Variants in SLIT3 observed in about 807,000 individuals in gnomAD.
The protein encoded by SLIT3 is slit guidance ligand 3.
In SLIT3, 68 loss-of-function variants were observed where a neutral mutation model predicts 184.0. That is an observed-to-expected ratio of 0.37 (90% CI 0.30 to 0.45). SLIT3 has a LOEUF of 0.45. Ranked by LOEUF, SLIT3 falls within the 20% of genes least tolerant of loss-of-function variation. The pLI, the probability that SLIT3 is intolerant of heterozygous loss-of-function variation, is 1.00. For synonymous variants in SLIT3, 831 were observed against 828.6 expected, an observed-to-expected ratio of 1.00 and a Z score of -0.05; for missense variants, 1,707 against 2,026.0, an observed-to-expected ratio of 0.84 and a Z score of 3.02.
intron 5 of SLIT3, among the ~76,000 whole-genome samples, chr5:168,868,125 C>T (rs1418411252): frequency 2.0e-5 from 3 of 152,208 alleles, no homozygotes; most frequent in African/African-American, 7.2e-5. Flanking sequence ...ACTCCTTCTC[C>T]TCTAACCCCG....
chr5:168,920,526 G>C (rs1209860296), intron 4 of SLIT3, among the ~76,000 whole-genome samples: 1 of 152,124 alleles, frequency 6.6e-6, no homozygotes, highest in Non-Finnish European at 1.5e-5. Flanking sequence ...CGGCACGGAA[G>C]GAATACAGAT....
intron 1 of SLIT3, among the ~76,000 whole-genome samples, chr5:169,283,990 G>T (rs541397479): frequency 6.6e-6 from 1 of 152,286 alleles, no homozygotes; most frequent in East Asian, 1.9e-4. Context: ...AACTACCCGG[G>T]AAAGTGAACC....
chr5:168,967,683 G>T (rs930106255), intron 4 of SLIT3, among the ~76,000 whole-genome samples: 1 of 139,444 alleles, frequency 7.2e-6, no homozygotes, highest in Non-Finnish European at 1.7e-5. Context: ...CTCGTGATCC[G>T]CCCGCCTCGG....
intron 4 of SLIT3, among the ~76,000 whole-genome samples, chr5:169,033,261 G>A (rs1270522105): frequency 1.3e-5 from 2 of 151,952 alleles, no homozygotes; most frequent in Non-Finnish European, 2.9e-5. Context: ...CTCCAGGCTC[G>A]TCTATGTTGT....
At chr5:169,177,763 T>C (rs1198402412) in intron 4 of SLIT3, among the ~76,000 whole-genome samples, 1 of 152,228 alleles carries the variant, frequency 6.6e-6, no homozygotes, top group South Asian at 2.1e-4. Flanking sequence ...GGACTCCTAA[T>C]GGATTGTCTT....
intron 4 of SLIT3, among the ~76,000 whole-genome samples, chr5:168,951,664 T>A (rs920490070): frequency 6.6e-6 from 1 of 152,048 alleles, no homozygotes; most frequent in African/African-American, 2.4e-5. Context: ...TAGGAAGGAG[T>A]TGCAGCATTT....
At chr5:168,788,681 G>A (rs957001924) in intron 11 of SLIT3, among the ~76,000 whole-genome samples, 5 of 151,946 alleles carry the variant, frequency 3.3e-5, no homozygotes, top group African/African-American at 9.7e-5. Flanking sequence ...AATAATCCCT[G>A]TCTCGGTGGA....
At chr5:168,787,210 A>G (rs1756185931) in intron 11 of SLIT3, among the ~76,000 whole-genome samples, 1 of 152,226 alleles carries the variant, frequency 6.6e-6, no homozygotes, top group South Asian at 2.1e-4. Context: ...CCCACCGCTC[A>G]CTGTGCCAAA....
At chr5:169,139,878 GA>G (rs1223209283) in intron 4 of SLIT3, among the ~76,000 whole-genome samples, 1 of 152,136 alleles carries the variant, frequency 6.6e-6, no homozygotes, top group Non-Finnish European at 1.5e-5. Context: ...AGCATCCCAG[GA>G]ACCTGTTCTG....
chr5:168,963,214 C>T (rs1763075359), intron 4 of SLIT3, among the ~76,000 whole-genome samples: 1 of 152,196 alleles, frequency 6.6e-6, no homozygotes, highest in African/African-American at 2.4e-5. Context: ...ACTGTTTGGC[C>T]AGGCTGGAGT....
intron 5 of SLIT3, among the ~76,000 whole-genome samples, chr5:168,880,582 A>G (rs1252177743): frequency 1.3e-5 from 2 of 152,266 alleles, no homozygotes; most frequent in Non-Finnish European, 1.5e-5. Flanking sequence ...AATACCTTTC[A>G]TGCATCAAGC....
intron 4 of SLIT3, among the ~76,000 whole-genome samples, chr5:168,961,625 G>T (rs187002467): frequency 2.4e-4 from 37 of 152,270 alleles, no homozygotes; most frequent in Admixed American, 2.0e-3. Context: ...CCGGTACCAG[G>T]GAACAGAACC....
In SLIT3 at chr5:169,113,437, T is replaced by C. The variant is rs75756761; in HGVS notation, c.413+80042A>G. Among the ~76,000 whole-genome samples, 75 of 152,342 alleles carry C rather than the reference T, an allele frequency of 4.9e-4. No homozygotes were observed. The East Asian group carries it at 0.014, about 28-fold the overall frequency. ...TGACTGAATAATATCTCATTGTCTA[T>C]ATTACATTCGGTTTATCCATCCATC... On this transcript the variant is annotated intron_variant, in intron 4 of 35. Coordinates refer to ENST00000519560, the MANE Select transcript of SLIT3 (RefSeq NM_003062.4).
At chr5:168,871,161 T>C (rs932822039) in intron 5 of SLIT3, among the ~76,000 whole-genome samples, 5 of 152,202 alleles carry the variant, frequency 3.3e-5, no homozygotes, top group African/African-American at 1.2e-4. Flanking sequence ...CCTCCTTCCC[T>C]GAATCACGTG....
intron 4 of SLIT3, among the ~76,000 whole-genome samples, chr5:169,079,302 C>G (rs967647047): frequency 2.0e-5 from 3 of 152,144 alleles, no homozygotes; most frequent in African/African-American, 7.2e-5. Flanking sequence ...TTTCAGCTCT[C>G]TTTTGTTTTC....
At chr5:169,268,015 T>C (rs561932960) in intron 1 of SLIT3, among the ~76,000 whole-genome samples, 1 of 152,330 alleles carries the variant, frequency 6.6e-6, no homozygotes, top group South Asian at 2.1e-4. Context: ...TGCAGGAATA[T>C]AAACATGGAC....
intron 4 of SLIT3, among the ~76,000 whole-genome samples, chr5:169,040,763 C>T (rs1757421415): frequency 6.6e-6 from 1 of 152,232 alleles, no homozygotes; most frequent in Admixed American, 6.5e-5. Context: ...AATCAATTAT[C>T]CCTTTTCGAA....
At chr5:169,152,962 G>C (rs936231582) in intron 4 of SLIT3, among the ~76,000 whole-genome samples, 2 of 152,142 alleles carry the variant, frequency 1.3e-5, no homozygotes, top group Non-Finnish European at 2.9e-5. Flanking sequence ...TCAGCTCTAC[G>C]GTCTCCAGAA....
chr5:168,700,522 C>A, intron 27 of SLIT3, 60 bp downstream of exon 27: 1 of 1,195,192 alleles, frequency 8.4e-7, no homozygotes, highest in South Asian at 1.2e-5. Context: ...TTGGGTATGT[C>A]TTTATTAGCA....
Sources: allele counts gnomAD v4.1 joint callset (sites outside exome capture counted in the v4.1 genomes callset), GRCh38; gene constraint gnomAD v4.1.1; transcripts MANE v1.5; gene names NCBI Gene and HGNC (gene_info 2026-07-23, HGNC 2026-07-21).